The following CHL1 variants were observed in gnomAD, a reference collection of about 807,000 sequenced individuals.
CHL1 encodes the protein neural cell adhesion molecule L1-like protein.
Under a neutral mutation model 141.9 loss-of-function variants are expected in CHL1, and 96 were observed. That is an observed-to-expected ratio of 0.68 (90% CI 0.57 to 0.80). The LOEUF is 0.80. Ranked by LOEUF, CHL1 falls within the 30% of genes least tolerant of loss-of-function variation. The pLI is 0.00. For missense variants in CHL1, 1,820 were observed against 1,457.2 expected (o/e 1.25, Z -4.05); for synonymous variants, 613 against 502.2 (o/e 1.22, Z -2.95).
At chr3:258,071 T>C (rs1000669749) in intron 2 of CHL1, among the ~76,000 whole-genome samples, 1 of 152,106 alleles carries the variant, frequency 6.6e-6, no homozygotes, top group African/African-American at 2.4e-5. Context: ...AAGAGGACAG[T>C]CTCCAAAGGA....
At chr3:293,500 A>T (rs1697895870) in intron 2 of CHL1, among the ~76,000 whole-genome samples, 1 of 152,164 alleles carries the variant, frequency 6.6e-6, no homozygotes, top group African/African-American at 2.4e-5. Flanking sequence ...GTGACACTCC[A>T]TCAAAAAAAA....
intron 1 of CHL1, among the ~76,000 whole-genome samples, chr3:203,333 G>A (rs899430388): frequency 1.3e-5 from 2 of 152,220 alleles, no homozygotes; most frequent in African/African-American, 4.8e-5. Context: ...ATCTTAAAAG[G>A]ATTGATGTTC....
rs1702377162 is a variant in CHL1, at chr3:341,963, A to T, written c.560A>T (p.Asp187Val). ...AGAGTATACATGAGCCAAAAGGGAG[A>T]TCTATACTTCGCAAACGTGGAAGAA... ...DERVYMSQKG[D>V]LYFANVEEKD... is the part of the protein sequence containing the mutation. The change falls in exon 7 of 28, where the codon GAT becomes GTT. Residue 187 changes from aspartate to valine, a missense_variant. By Grantham distance (152) the Asp-to-Val change is radical (BLOSUM62 -3). Transcript: ENST00000256509. The T allele has an allele frequency of 1.2e-6, 2 of 1,613,332 alleles. No homozygotes were observed. Among genetic ancestry groups the T allele is most frequent in the Non-Finnish European group, 1.7e-6 (2 of 1,179,524 alleles).
intron 2 of CHL1, among the ~76,000 whole-genome samples, chr3:299,232 C>A (rs1698493754): frequency 6.6e-6 from 1 of 152,116 alleles, no homozygotes; most frequent in Admixed American, 6.6e-5. Flanking sequence ...TATGAGAGTG[C>A]AGCATACTTG....
At chr3:290,773 G>A (rs1475630506) in intron 2 of CHL1, among the ~76,000 whole-genome samples, 1 of 151,836 alleles carries the variant, frequency 6.6e-6, no homozygotes, top group Non-Finnish European at 1.5e-5. Flanking sequence ...CACACAAAAA[G>A]TTGTCTATTT....
chr3:382,049 G>C (rs1017560332), intron 16 of CHL1, 130 bp from the exon 17 acceptor site: 1 of 535,302 alleles, frequency 1.9e-6, no homozygotes, highest in South Asian at 2.2e-5. Context: ...GGGGTGGGGG[G>C]CGGGGGTGCT....
At chr3:325,474 T>C (rs147437764) in intron 3 of CHL1, among the ~76,000 whole-genome samples, 12 of 152,004 alleles carry the variant, frequency 7.9e-5, no homozygotes, top group African/African-American at 2.9e-4. Flanking sequence ...TGGATAATAA[T>C]CTAATGACCA....
At chr3:328,144 T>C (rs532325027) in intron 4 of CHL1, 23 bp from the exon 5 acceptor site, 7 of 1,573,800 alleles carry the variant, frequency 4.4e-6, no homozygotes, top group Non-Finnish European at 6.1e-6. Flanking sequence ...TTCAGGATTA[T>C]TAAGTTCAGT....
chr3:366,205 T>G, intron 15 of CHL1, 90 bp downstream of exon 15: 1 of 1,269,916 alleles, frequency 7.9e-7, no homozygotes, highest in South Asian at 1.3e-5. Context: ...GCATGCTGAC[T>G]CACGCTTGTA....
At chr3:236,403 C>G (rs1038318249) in intron 1 of CHL1, among the ~76,000 whole-genome samples, 6 of 152,108 alleles carry the variant, frequency 3.9e-5, no homozygotes, top group Non-Finnish European at 5.9e-5. Flanking sequence ...CTAGGTCAGC[C>G]TTCTATAGGG....
At chr3:279,835 T>G (rs1039802721) in intron 2 of CHL1, among the ~76,000 whole-genome samples, 1 of 152,178 alleles carries the variant, frequency 6.6e-6, no homozygotes, top group Non-Finnish European at 1.5e-5. Context: ...TTAGACTTGA[T>G]TAATAAATGC....
chr3:350,448 G>A (rs1023311568), intron 10 of CHL1, among the ~76,000 whole-genome samples: 1 of 152,140 alleles, frequency 6.6e-6, no homozygotes, highest in Admixed American at 6.6e-5. Flanking sequence ...TACTTATTTA[G>A]TGCAGTGTAA....
At chr3:403,795 G>A (rs1186785866) in intron 27 of CHL1, among the ~76,000 whole-genome samples, 1 of 152,104 alleles carries the variant, frequency 6.6e-6, no homozygotes, top group Non-Finnish European at 1.5e-5. Flanking sequence ...CAGGATAATT[G>A]TCTACTTTCC....
chr3:334,117 C>A (rs533665657), intron 5 of CHL1, among the ~76,000 whole-genome samples: 23 of 152,234 alleles, frequency 1.5e-4, no homozygotes, highest in Admixed American at 1.0e-3. Flanking sequence ...CCACCATGCC[C>A]ACCTATAAAC....
At chr3:379,222 C>T (rs1298556693) in intron 16 of CHL1, among the ~76,000 whole-genome samples, 3 of 151,996 alleles carry the variant, frequency 2.0e-5, no homozygotes, top group African/African-American at 7.3e-5. Context: ...GGCTGGATCC[C>T]TTCAAGTAAA....
At chr3:306,190 C>T (rs185085417) in intron 2 of CHL1, among the ~76,000 whole-genome samples, 1 of 152,226 alleles carries the variant, frequency 6.6e-6, no homozygotes, top group Admixed American at 6.5e-5. Context: ...AGGGAACGAT[C>T]AATCAGTGTT....
At chr3:376,526 A>G in intron 15 of CHL1, 1 of 438,066 alleles carries the variant, frequency 2.3e-6, no homozygotes, top group Non-Finnish European at 4.5e-6. Flanking sequence ...GAAACAAGGC[A>G]TAGTGCAACC....
chr3:265,554 G>C (rs888657372), intron 2 of CHL1, among the ~76,000 whole-genome samples: 1 of 152,148 alleles, frequency 6.6e-6, no homozygotes, highest in Non-Finnish European at 1.5e-5. Context: ...AACACTGTTT[G>C]ATCTGATTCT....
chr3:372,694 A>AT (rs1200549260), intron 15 of CHL1, among the ~76,000 whole-genome samples: 408 of 151,276 alleles, frequency 2.7e-3, no homozygotes, highest in African/African-American at 8.6e-3. Context: ...GGTTTTTAGC[A>AT]TTTTTTTTGT....
Sources: gnomAD v4.1 joint callset for allele counts (sites outside exome capture counted in the v4.1 genomes callset) on GRCh38, gnomAD v4.1.1 for gene constraint, MANE v1.5 for transcripts, NCBI Gene and HGNC (gene_info 2026-07-23, HGNC 2026-07-21) for gene names.